Variants in TBC1D19 observed in about 807,000 individuals in gnomAD.
The protein encoded by TBC1D19 is TBC1 domain family, member 19.
A neutral mutation model predicts 89.0 loss-of-function variants in TBC1D19; 60 were observed. That is an observed-to-expected ratio of 0.67 (90% CI 0.55 to 0.84). The LOEUF (loss-of-function observed/expected upper bound fraction) is 0.84. Among genes scored for constraint, TBC1D19 ranks in the 40% least tolerant of loss-of-function variants. The probability of loss-of-function intolerance (pLI) is 0.00; values close to 1 mark genes in which losing one functional copy is unlikely to be tolerated. For synonymous variants in TBC1D19, 189 were observed against 199.7 expected (o/e 0.95, Z 0.45); for missense variants, 500 against 610.8 (o/e 0.82, Z 1.91).
At chr4:26,706,380 A>C (rs913661474) in intron 13 of TBC1D19, among the ~76,000 whole-genome samples, 3 of 151,896 alleles carry the variant, frequency 2.0e-5, no homozygotes, top group Non-Finnish European at 4.4e-5. Flanking sequence ...TAATATTCGC[A>C]GTTTCATTTC....
downstream of TBC1D19, among the ~76,000 whole-genome samples, chr4:26,760,515 T>G (rs1719420806): frequency 6.6e-6 from 1 of 152,112 alleles, no homozygotes; most frequent in Non-Finnish European, 1.5e-5. Context: ...GGGTTAAGGC[T>G]GCAGTGAGCT....
chr4:26,802,067 C>G, the TBC1D19 span, among the ~76,000 whole-genome samples: 1 of 152,030 alleles, frequency 6.6e-6, no homozygotes, highest in African/African-American at 2.4e-5. Flanking sequence ...CACCTTTATC[C>G]AGAAGTCACA....
intron 1 of TBC1D19, among the ~76,000 whole-genome samples, chr4:26,606,014 G>A (rs1312394885): frequency 6.6e-6 from 1 of 152,056 alleles, no homozygotes; most frequent in Non-Finnish European, 1.5e-5. Context: ...AGCATTCTTG[G>A]GTTCTCAATA....
At chr4:26,856,285 G>A in the TBC1D19 span, among the ~76,000 whole-genome samples, 1 of 152,180 alleles carries the variant, frequency 6.6e-6, no homozygotes, top group Non-Finnish European at 1.5e-5. Context: ...TTCCACCCAT[G>A]TTGCAGTGAA....
chr4:26,714,613 C>T (rs943855974), intron 13 of TBC1D19, among the ~76,000 whole-genome samples: 5 of 151,930 alleles, frequency 3.3e-5, no homozygotes. Context: ...ATTTGGAAGG[C>T]CTTCTTTAAG....
At chr4:26,720,529 A>G (rs1004127870) in intron 15 of TBC1D19, among the ~76,000 whole-genome samples, 6 of 152,144 alleles carry the variant, frequency 3.9e-5, no homozygotes, top group Admixed American at 1.3e-4. Context: ...TATTTATGAA[A>G]CAAAAATATT....
chr4:26,604,099 T>G (rs1367598022), intron 1 of TBC1D19, among the ~76,000 whole-genome samples: 2 of 152,042 alleles, frequency 1.3e-5, no homozygotes, highest in Non-Finnish European at 1.5e-5. Context: ...CTTAGCCTGA[T>G]ATCATGAACG....
chr4:26,742,525 T>C lies in TBC1D19; in HGVS notation c.1245T>C (p.Cys415=). The C allele has an allele frequency of 1.9e-6, 3 of 1,611,856 alleles. No individual in the cohort carries two copies. The highest frequency in any genetic ancestry group is 2.5e-6 in the Non-Finnish European group (3 of 1,178,720). The change falls in exon 18 of 21, where the codon TGT becomes TGC. Residue 415 remains cysteine (C), a synonymous_variant. Transcript: ENST00000264866. ...GTATCCAGGGTATTGTGTCACTCTGTCTGCTGTTTGAAACTCTTCTTCAAA... is the reference window on the plus strand; with the variant it reads ...GTATCCAGGGTATTGTGTCACTCTGCCTGCTGTTTGAAACTCTTCTTCAAA... ...SSHPSGIVSL[C]LLFETLLQTY...
In TBC1D19 at chr4:26,755,973, A is replaced by G. The variant is rs750578468; in HGVS notation, c.*1026A>G. Reference sequence around the variant, plus strand: ...TAATAGTATGTGGGGTAAAAAGTCCAAAAACTATTGTCCTTTGATTTTAGT... The same window carrying G: ...TAATAGTATGTGGGGTAAAAAGTCCGAAAACTATTGTCCTTTGATTTTAGT... On this transcript the variant is annotated 3_prime_UTR_variant, in exon 21 of 21. Transcript: ENST00000264866. Among the ~76,000 whole-genome samples, 3 of 152,230 alleles carry G rather than the reference A, an allele frequency of 2.0e-5. No individual in the cohort carries two copies. Among genetic ancestry groups the G allele is most frequent in the African/African-American group, 4.8e-5 (2 of 41,476 alleles).
chr4:26,783,745 G>C, the TBC1D19 span, among the ~76,000 whole-genome samples: 1 of 152,258 alleles, frequency 6.6e-6, no homozygotes, highest in East Asian at 1.9e-4. Context: ...GGATGCGGGT[G>C]GGGATGAATC....
At chr4:26,776,742 C>T in the TBC1D19 span, among the ~76,000 whole-genome samples, 2 of 152,240 alleles carry the variant, frequency 1.3e-5, no homozygotes, top group Middle Eastern at 6.8e-3. Flanking sequence ...AAATGCTTGG[C>T]TCACATTTTC....
intron 1 of TBC1D19, among the ~76,000 whole-genome samples, chr4:26,590,794 C>CTGTTTT: frequency 3.1e-5 from 1 of 31,764 alleles, no homozygotes; most frequent in African/African-American, 1.1e-4. Flanking sequence ...TCTTGCAGGT[C>CTGTTTT]TGTTTTTTTT....
chr4:26,797,032 A>C, the TBC1D19 span, among the ~76,000 whole-genome samples: 3 of 152,210 alleles, frequency 2.0e-5, no homozygotes, highest in Non-Finnish European at 4.4e-5. Context: ...GAAGTCATAG[A>C]GCAATCAGGC....
At chr4:26,742,638 T>A in intron 18 of TBC1D19, 39 bp downstream of exon 18, 2 of 1,558,070 alleles carry the variant, frequency 1.3e-6, no homozygotes, top group Non-Finnish European at 1.8e-6. Flanking sequence ...ATAGATAGTT[T>A]CACAGAAAGC....
chr4:26,590,798 T>TTTTTTTTG (rs1739730448), intron 1 of TBC1D19, among the ~76,000 whole-genome samples: 1 of 44,304 alleles, frequency 2.3e-5, no homozygotes, highest in African/African-American at 6.1e-5. Flanking sequence ...GCAGGTCTGT[T>TTTTTTTTG]TTTTTTTTTT....
At chr4:26,613,636 G>A (rs1180063547) in intron 2 of TBC1D19, among the ~76,000 whole-genome samples, 2 of 152,116 alleles carry the variant, frequency 1.3e-5, no homozygotes, top group Non-Finnish European at 2.9e-5. Context: ...ACAAAATGGT[G>A]CAAAAATTCA....
At chr4:26,719,887 T>C (rs1306554518) in intron 14 of TBC1D19, among the ~76,000 whole-genome samples, 194 bp from the exon 15 acceptor site, 1 of 152,158 alleles carries the variant, frequency 6.6e-6, no homozygotes, top group Non-Finnish European at 1.5e-5. Flanking sequence ...TTCGTGTTAC[T>C]TTAATTGATG....
the TBC1D19 span, among the ~76,000 whole-genome samples, chr4:26,764,006 A>C: frequency 9.6e-3 from 1,467 of 152,276 alleles, 30 homozygotes; most frequent in African/African-American, 0.034. Context: ...GTTATCTATA[A>C]ATAGGCAATT....
chr4:26,643,679 G>A (rs1743708143), intron 7 of TBC1D19, among the ~76,000 whole-genome samples: 2 of 152,052 alleles, frequency 1.3e-5, no homozygotes, highest in Non-Finnish European at 2.9e-5. Context: ...TAGAATGCTA[G>A]CAAAACTAAT....
Sources: gnomAD v4.1 joint callset for allele counts (sites outside exome capture counted in the v4.1 genomes callset) on GRCh38, gnomAD v4.1.1 for gene constraint, MANE v1.5 for transcripts, NCBI Gene and HGNC (gene_info 2026-07-23, HGNC 2026-07-21) for gene names.